Variants in EPB41L5 observed in about 807,000 individuals in gnomAD.
EPB41L5 encodes the protein erythrocyte membrane protein band 4.1 like 5.
Under a neutral mutation model 106.6 loss-of-function variants are expected in EPB41L5, and 55 were observed. The observed-to-expected ratio is 0.52, with a 90% CI of 0.42 to 0.65. EPB41L5 has a LOEUF of 0.65. EPB41L5 is among the 30% of genes least tolerant of loss of function. The probability of loss-of-function intolerance (pLI) is 0.00; values close to 1 mark genes in which losing one functional copy is unlikely to be tolerated. For missense variants in EPB41L5, 871 were observed against 882.1 expected (o/e 0.99, Z 0.16); for synonymous variants, 297 against 306.7 (o/e 0.97, Z 0.33).
At chr2:120,138,703 A>G (rs1430315525) in intron 18 of EPB41L5, among the ~76,000 whole-genome samples, 1 of 152,112 alleles carries the variant, frequency 6.6e-6, no homozygotes, top group Non-Finnish European at 1.5e-5. Flanking sequence ...AATTTGAAAG[A>G]TATTCCATGT....
rs565011386 is a variant in EPB41L5 at position 120,155,800 on chromosome 2, TAA to T, written c.1794-5070_1794-5069del. ...TGAAATCCTCTAGTGATTTTTTTATTAAAAAAAAAAAATGGAGACACAGAAGC... is the reference window on the plus strand; with the variant it reads ...TGAAATCCTCTAGTGATTTTTTTATTAAAAAAAAAATGGAGACACAGAAGC... On this transcript the variant is annotated intron_variant, in intron 20 of 24. Coordinates refer to ENST00000263713, the MANE Select transcript of EPB41L5 (RefSeq NM_020909.4). 9.0e-3 allele frequency among the ~76,000 whole-genome samples: 1,310 copies of T among 145,774 alleles called. 19 individuals carry two copies. Among genetic ancestry groups the T allele is most frequent in the African/African-American group, 0.031 (1,246 of 39,966 alleles).
chr2:120,110,766 C>G (rs1684692293), intron 16 of EPB41L5, among the ~76,000 whole-genome samples: 1 of 151,884 alleles, frequency 6.6e-6, no homozygotes, highest in South Asian at 2.1e-4. Flanking sequence ...TCCGGAGTAG[C>G]TGGGACTACA....
At position 120,131,608 on chromosome 2, in the gene EPB41L5, TTC is replaced by T; in HGVS notation, c.1502-8_1502-7del. The T allele has an allele frequency of 6.2e-7, 1 of 1,604,270 alleles. No homozygotes were observed. The highest frequency in any genetic ancestry group is 8.5e-7 in the Non-Finnish European group (1 of 1,173,106). On this transcript the variant is annotated splice_region_variant and splice_polypyrimidine_tract_variant and intron_variant, in intron 17 of 24. Coordinates refer to ENST00000263713, the MANE Select transcript of EPB41L5 (RefSeq NM_020909.4). ...ACTGGGGTTATTTTGCCTTTTTTTT[TTC>T]TTTTCAGCATTAAAAGACACCTCAG...
At chr2:120,091,160 A>T (rs1290118179) in intron 12 of EPB41L5, among the ~76,000 whole-genome samples, 2 of 152,238 alleles carry the variant, frequency 1.3e-5, no homozygotes, top group East Asian at 3.8e-4. Flanking sequence ...GTAGTCTTAA[A>T]AAACATTTCT....
chr2:120,087,041 AC>A (rs1683106092), intron 10 of EPB41L5, 129 bp from the exon 11 acceptor site: 6 of 566,206 alleles, frequency 1.1e-5, no homozygotes, highest in African/African-American at 3.8e-5. Context: ...ATTGCAAGTT[AC>A]GTTTACCGTC....
At chr2:120,087,146 C>T (rs1324544147) in intron 10 of EPB41L5, 25 bp from the exon 11 acceptor site, 1 of 1,397,566 alleles carries the variant, frequency 7.2e-7, no homozygotes, top group South Asian at 1.2e-5. Context: ...TGTAATTTGG[C>T]TTTTATTCTC....
chr2:120,105,172 G>T (rs761991685), intron 16 of EPB41L5: 2 of 979,160 alleles, frequency 2.0e-6, no homozygotes, highest in Non-Finnish European at 2.4e-6. Context: ...AGAATTTCAA[G>T]CTCCTTGGTT....
intron 1 of EPB41L5, among the ~76,000 whole-genome samples, chr2:120,015,283 C>T (rs1028965055): frequency 2.7e-5 from 4 of 150,760 alleles, no homozygotes; most frequent in Non-Finnish European, 5.9e-5. Flanking sequence ...GCCCAGATCG[C>T]GCCACTGCAC....
At chr2:120,054,934 T>C (rs1242325831) in intron 3 of EPB41L5, among the ~76,000 whole-genome samples, 1 of 151,024 alleles carries the variant, frequency 6.6e-6, no homozygotes, top group Admixed American at 6.6e-5. Context: ...TCATGCGAAC[T>C]TGGCCCACCA....
intron 3 of EPB41L5, among the ~76,000 whole-genome samples, chr2:120,069,444 TTG>T (rs1157184609): frequency 1.1e-4 from 17 of 152,120 alleles, no homozygotes; most frequent in African/African-American, 3.9e-4. Flanking sequence ...TATTTAGGAC[TTG>T]AACTCAGCTC....
At chr2:120,014,198 A>G (rs1487951134) in intron 1 of EPB41L5, among the ~76,000 whole-genome samples, 2 of 152,242 alleles carry the variant, frequency 1.3e-5, no homozygotes, top group East Asian at 1.9e-4. Flanking sequence ...CAGTCATGTA[A>G]GAGTATACAT....
In EPB41L5 at chr2:120,033,062, T is replaced by C. The variant is rs143215655; in HGVS notation, c.181-8944T>C. ...TATAGAATGGGACAGAACCAATTGA[T>C]TTAGAACACCATTTCTAAGGTTGAT... On this transcript the variant is annotated intron_variant, in intron 2 of 24. Coordinates refer to ENST00000263713, the MANE Select transcript of EPB41L5 (RefSeq NM_020909.4). Among the ~76,000 whole-genome samples, 120 of 152,348 alleles carry C rather than the reference T, an allele frequency of 7.9e-4. 1 individual carries two copies. The highest frequency in any genetic ancestry group is 2.8e-3 in the African/African-American group (116 of 41,592).
intron 5 of EPB41L5, among the ~76,000 whole-genome samples, chr2:120,074,818 T>A (rs879804834): frequency 6.6e-6 from 1 of 152,180 alleles, no homozygotes; most frequent in African/African-American, 2.4e-5. Flanking sequence ...TCTGTAGTTA[T>A]ATCCATGTCT....
At chr2:120,153,549 T>C (rs1686769948) in intron 20 of EPB41L5, among the ~76,000 whole-genome samples, 1 of 152,188 alleles carries the variant, frequency 6.6e-6, no homozygotes, top group African/African-American at 2.4e-5. Context: ...TGATCTTTTC[T>C]CTGGTTGTTC....
intron 2 of EPB41L5, among the ~76,000 whole-genome samples, chr2:120,027,329 A>G (rs1678396275): frequency 6.6e-6 from 1 of 152,258 alleles, no homozygotes; most frequent in Admixed American, 6.5e-5. Flanking sequence ...AAAACCTGTA[A>G]TATCCATATA....
At position 120,042,084 on chromosome 2, in the gene EPB41L5, A is replaced by G; in HGVS notation, c.259A>G (p.Arg87Gly). 6.2e-7 allele frequency: 1 copy of G among 1,613,562 alleles called. No individual in the cohort carries two copies. The highest frequency in any genetic ancestry group is 8.5e-7 in the Non-Finnish European group (1 of 1,179,580). Residue 87 changes from arginine (R) to glycine (G), a missense_variant, in exon 3 of 25, where the codon AGA becomes GGA. Physicochemically the swap from Arg to Gly is moderately radical, Grantham distance 125. Transcript: ENST00000263713. Reference sequence around the variant, plus strand: ...GATTGAAAGCGACTATTTTGGTCTGAGATTTATGGATTCAGCACAAGTAGC... The same window carrying G: ...GATTGAAAGCGACTATTTTGGTCTGGGATTTATGGATTCAGCACAAGTAGC... ...DLIESDYFGL[R>G]FMDSAQVAHW...
chr2:120,071,556 A>C (rs1574591230), intron 3 of EPB41L5, among the ~76,000 whole-genome samples: 1 of 152,136 alleles, frequency 6.6e-6, no homozygotes, highest in Admixed American at 6.6e-5. Flanking sequence ...AACCAAAACA[A>C]CATGGTGCTG....
intron 2 of EPB41L5, among the ~76,000 whole-genome samples, chr2:120,030,641 C>T (rs1004458876): frequency 3.9e-5 from 6 of 152,194 alleles, no homozygotes; most frequent in African/African-American, 1.4e-4. Context: ...ACAACTCCCG[C>T]CTCCCGGGTT....
At chr2:120,132,572 C>T (rs564525611) in intron 18 of EPB41L5, among the ~76,000 whole-genome samples, 2 of 152,278 alleles carry the variant, frequency 1.3e-5, no homozygotes, top group East Asian at 3.9e-4. Flanking sequence ...GGGATCCAAG[C>T]CTTTTTTTCC....
Sources: allele counts gnomAD v4.1 joint callset (sites outside exome capture counted in the v4.1 genomes callset), GRCh38; gene constraint gnomAD v4.1.1; transcripts MANE v1.5; gene names NCBI Gene and HGNC (gene_info 2026-07-23, HGNC 2026-07-21).